Variants in C1GALT1 observed in about 807,000 individuals in gnomAD.
The protein encoded by C1GALT1 is glycoprotein-N-acetylgalactosamine 3-beta-galactosyltransferase 1.
C1GALT1 carries 11 observed loss-of-function variants against 31.0 expected under a neutral mutation model. The ratio of observed to expected loss-of-function variants is 0.36; its 90% confidence interval spans 0.22 to 0.59. The LOEUF is 0.59. Ranked by LOEUF, C1GALT1 falls within the 20% of genes least tolerant of loss-of-function variation. The pLI is 0.79. For synonymous variants in C1GALT1, 175 were observed against 143.6 expected, an observed-to-expected ratio of 1.22 and a Z score of -1.56; for missense variants, 424 against 425.2, an observed-to-expected ratio of 1.00 and a Z score of 0.03.
intron 2 of C1GALT1, among the ~76,000 whole-genome samples, chr7:7,237,443 C>T (rs140555666): frequency 6.6e-6 from 1 of 152,218 alleles, no homozygotes; most frequent in Non-Finnish European, 1.5e-5. Flanking sequence ...GTTAAGTGGA[C>T]ATTTTGATTG....
At chr7:7,193,097 C>T (rs550801886) in intron 1 of C1GALT1, among the ~76,000 whole-genome samples, 54 of 152,122 alleles carry the variant, frequency 3.5e-4, no homozygotes, top group South Asian at 1.7e-3. Flanking sequence ...TTTCTCCACT[C>T]TGTGGGTTGT....
intron 1 of C1GALT1, among the ~76,000 whole-genome samples, chr7:7,214,596 G>A (rs1298448213): frequency 6.6e-6 from 1 of 152,118 alleles, no homozygotes; most frequent in Non-Finnish European, 1.5e-5. Flanking sequence ...AACCTCACAG[G>A]TGAAACCAAC....
Position 7,207,335 on chromosome 7 carries a change from C to CTTTTTTTTTTT in C1GALT1, c.-18+24535_-18+24545dup, listed in dbSNP as rs57510429. Among the ~76,000 whole-genome samples, 333 of 48,012 alleles carry CTTTTTTTTTTT rather than the reference C, an allele frequency of 6.9e-3. 116 individuals are homozygous for CTTTTTTTTTTT. Among genetic ancestry groups the CTTTTTTTTTTT allele is most frequent in the Middle Eastern group, 0.04 (2 of 50 alleles). 31.5% of individuals were successfully genotyped at this position (48,012 alleles called of 152,430 possible). Reference sequence around the variant, plus strand: ...TCTCTGTGTTTCTCTTACTCTGTTGCTTTTTTTTTTTTTTTTTTTTTTTTT... The same window carrying CTTTTTTTTTTT: ...TCTCTGTGTTTCTCTTACTCTGTTGCTTTTTTTTTTTTTTTTTTTTTTTTTTTTTTTTTTTT... On this transcript the variant is annotated intron_variant, in intron 1 of 3. Transcript: ENST00000436587.
chr7:7,235,253 A>T (rs966545034), intron 2 of C1GALT1: 2 of 152,216 alleles, frequency 1.3e-5, no homozygotes, highest in African/African-American at 4.8e-5. Flanking sequence ...ACAGAAAATA[A>T]TATAAGTAGC....
At chr7:7,181,271 G>GGATATTGCGGAAAGGTGGAC (rs1780581071), upstream of C1GALT1, among the ~76,000 whole-genome samples, 1 of 80,098 alleles carries the variant, frequency 1.2e-5, no homozygotes, top group Non-Finnish European at 2.7e-5. Flanking sequence ...GAAAGGTGGA[G>GGATATTGCGGAAAGGTGGAC]GGGGAGGAGG....
rs1418248421 is a variant in C1GALT1 at position 7,246,228 on chromosome 7, A to G, written c.*2501A>G. On this transcript the variant is annotated 3_prime_UTR_variant, in exon 4 of 4. Coordinates refer to ENST00000436587, the MANE Select transcript of C1GALT1 (RefSeq NM_020156.5). ...ATAAGGAAACTGAGGCTCAGAGACAAAGTAACTTTGTCACTGTCACAAAGC... is the reference window on the plus strand; with the variant it reads ...ATAAGGAAACTGAGGCTCAGAGACAGAGTAACTTTGTCACTGTCACAAAGC... The G allele has an allele frequency of 7.1e-6, 1 of 140,472 alleles. No homozygotes were observed. The highest frequency in any genetic ancestry group is 1.5e-5 in the Non-Finnish European group (1 of 64,582). 8.7% of individuals were successfully genotyped at this position (140,472 alleles called of 1,614,324 possible). A position where few individuals can be genotyped will look rare whatever the true frequency, so the allele number is the denominator to read the frequency against.
rs761950300 is a variant in C1GALT1 at position 7,238,220 on chromosome 7, A to C, written c.221-35A>C. ...TTATTAATATTTGGATTTTACATCT[A>C]TGTAAATAACCTTTTAAAATGTTTT... is the stretch of plus-strand genomic sequence containing the variant. On this transcript the variant is annotated intron_variant, in intron 2 of 3. Coordinates refer to ENST00000436587, the MANE Select transcript of C1GALT1 (RefSeq NM_020156.5). The surrounding 1 kb of genome is among the most constrained non-coding windows in gnomAD (Gnocchi z 5.2). 7.3e-6 allele frequency: 11 copies of C among 1,509,574 alleles called. No individual in the cohort carries two copies. Among genetic ancestry groups the C allele is most frequent in the African/African-American group, 1.4e-5 (1 of 71,118 alleles). 93.5% of individuals were successfully genotyped at this position (1,509,574 alleles called of 1,614,324 possible). A position where few individuals can be genotyped will look rare whatever the true frequency, so the allele number is the denominator to read the frequency against.
intron 1 of C1GALT1, among the ~76,000 whole-genome samples, chr7:7,228,607 GA>G (rs760667903): frequency 0.029 from 4,300 of 147,488 alleles, 211 homozygotes; most frequent in African/African-American, 0.099. Flanking sequence ...CCAGGAGCAG[GA>G]AAAAAAAAAA....
In C1GALT1 at chr7:7,212,922, C is replaced by T. The variant is rs548346173; in HGVS notation, c.-17-21381C>T. ...GGTGCAGCCAGCTCAGAGGACCTTA[C>T]AAAACATGCTCCAAATTTTGTTTAC... On this transcript the variant is annotated intron_variant, in intron 1 of 3. Coordinates refer to ENST00000436587, the MANE Select transcript of C1GALT1 (RefSeq NM_020156.5). 1.5e-4 allele frequency among the ~76,000 whole-genome samples: 23 copies of T among 152,210 alleles called. No individual in the cohort carries two copies. In the South Asian group the frequency reaches 4.4e-3, roughly 29 times the overall value.
upstream of C1GALT1, among the ~76,000 whole-genome samples, chr7:7,181,850 G>A (rs1316433101): frequency 6.6e-6 from 1 of 152,180 alleles, no homozygotes; most frequent in Non-Finnish European, 1.5e-5. Flanking sequence ...TTGTGGGGTT[G>A]CCTCAACAGG....
At chr7:7,190,054 C>A (rs1440286103) in intron 1 of C1GALT1, among the ~76,000 whole-genome samples, 2 of 152,092 alleles carry the variant, frequency 1.3e-5, no homozygotes, top group Admixed American at 6.5e-5. Flanking sequence ...CTGGTAGAGA[C>A]CACCAGGGAC....
chr7:7,240,879 T>G (rs1783596309), intron 3 of C1GALT1, among the ~76,000 whole-genome samples: 1 of 152,094 alleles, frequency 6.6e-6, no homozygotes, highest in Admixed American at 6.6e-5. Context: ...ACATACTTTT[T>G]TTTTCTATAT....
intron 1 of C1GALT1, among the ~76,000 whole-genome samples, chr7:7,190,192 G>A (rs1781002153): frequency 6.6e-6 from 1 of 152,104 alleles, no homozygotes; most frequent in Non-Finnish European, 1.5e-5. Flanking sequence ...GGTGGAGTTT[G>A]GATAAAGTTT....
At chr7:7,228,474 G>C (rs1782902168) in intron 1 of C1GALT1, among the ~76,000 whole-genome samples, 1 of 152,148 alleles carries the variant, frequency 6.6e-6, no homozygotes, top group Admixed American at 6.5e-5. Context: ...ATAATGTGCA[G>C]TGTGGTTAAG....
intron 1 of C1GALT1, among the ~76,000 whole-genome samples, chr7:7,221,991 T>G (rs1399981061): frequency 1.3e-5 from 2 of 152,216 alleles, no homozygotes; most frequent in Non-Finnish European, 2.9e-5. Context: ...CCTGAGGGAC[T>G]GAGCTAAAAT....
At chr7:7,233,036 A>T (rs1389281456) in intron 1 of C1GALT1, among the ~76,000 whole-genome samples, 1 of 152,134 alleles carries the variant, frequency 6.6e-6, no homozygotes, top group Non-Finnish European at 1.5e-5. Flanking sequence ...AATTATCTTG[A>T]GGAATAGGAA....
At chr7:7,218,020 A>T (rs917940037) in intron 1 of C1GALT1, among the ~76,000 whole-genome samples, 1 of 152,150 alleles carries the variant, frequency 6.6e-6, no homozygotes, top group African/African-American at 2.4e-5. Context: ...AGCTTTACTG[A>T]TGAGTATATA....
chr7:7,238,370 C>T lies in C1GALT1; in HGVS notation c.336C>T (p.Ala112=), dbSNP rs763615701. 1 of 1,614,010 alleles carries T rather than the reference C, an allele frequency of 6.2e-7. No homozygotes were observed. Among genetic ancestry groups the T allele is most frequent in the Non-Finnish European group, 8.5e-7 (1 of 1,179,972 alleles). ...CCAAACACGTCAAAGCTACTTGGGCCCAGCGTTGTAACAAAGTGTTGTTTA... is the reference window on the plus strand; with the variant it reads ...CCAAACACGTCAAAGCTACTTGGGCTCAGCGTTGTAACAAAGTGTTGTTTA... ...KKAKHVKATW[A]QRCNKVLFMS... is the part of the protein sequence containing the mutation. Residue 112 remains alanine, a synonymous_variant, in exon 3 of 4, where the codon GCC becomes GCT. Transcript: ENST00000436587. The surrounding 1 kb of genome is among the most constrained non-coding windows in gnomAD (Gnocchi z 5.2).
intron 2 of C1GALT1, among the ~76,000 whole-genome samples, chr7:7,170,167 G>A (rs1477307924): frequency 1.3e-5 from 2 of 152,102 alleles, no homozygotes; most frequent in African/African-American, 4.8e-5. Flanking sequence ...AATCATTTGT[G>A]TCTTTCTTTT....
Sources: allele counts gnomAD v4.1 joint callset (sites outside exome capture counted in the v4.1 genomes callset), GRCh38; gene constraint gnomAD v4.1.1; non-coding constraint Gnocchi (gnomAD v3.1); transcripts MANE v1.5; gene names NCBI Gene and HGNC (gene_info 2026-07-23, HGNC 2026-07-21).